Variants in TTN observed in about 807,000 individuals in gnomAD.
TTN encodes titin.
TTN carries 1,525 observed loss-of-function variants against 3,223.0 expected under a neutral mutation model. The ratio of observed to expected loss-of-function variants is 0.47; its 90% CI spans 0.45 to 0.49. The LOEUF is 0.49. Ranked by LOEUF, TTN falls within the 20% of genes least tolerant of loss-of-function variation. The probability of loss-of-function intolerance (pLI) is 0.00; values close to 1 mark genes in which losing one functional copy is unlikely to be tolerated. For synonymous variants in TTN, 14,094 were observed against 15,161.0 expected, an observed-to-expected ratio of 0.93 and a Z score of 5.17; for missense variants, 40,786 against 43,424.0, an observed-to-expected ratio of 0.94 and a Z score of 5.40.
At chr2:178,685,743 A>T in intron 127 of TTN, 145 bp from the exon 128 acceptor site, 1 of 726,698 alleles carries the variant, frequency 1.4e-6, no homozygotes, top group Non-Finnish European at 2.3e-6. Context: ...TAAAATACTC[A>T]AAGAGCATTT....
rs2049048163 is a variant in TTN, at chr2:178,586,668, A to C, written c.64233T>G (p.Pro21411=). Residue 21411 remains proline, a synonymous_variant, in exon 308 of 363, where the codon CCT becomes CCG. Transcript: ENST00000589042. The part of the protein sequence containing the change: ...YITSYREEEQ[P]ADRWTEYSVV... ...CTGAGTACTCTGTCCAGCGATCTGC[A>C]GGCTGCTCTTCTTCTCTGTAACTAG... 5 of 1,613,220 alleles carry C rather than the reference A, an allele frequency of 3.1e-6. No individual in the cohort carries two copies. Among genetic ancestry groups the C allele is most frequent in the Non-Finnish European group, 3.4e-6 (4 of 1,179,422 alleles).
At position 178,764,209 on chromosome 2, in the gene TTN, G is replaced by A. The variant is rs879249930; in HGVS notation, c.10082C>T (p.Pro3361Leu). ...AGAAACCCGGCATTGAAAACGGGCT[G>A]GCTGCCCTTCAGAAGTGACAGTGTC... Reference protein sequence around the residue: ...LQDTVTSEGQPARFQCRVSGT... With the variant: ...LQDTVTSEGQLARFQCRVSGT... Residue 3361 changes from proline to leucine, a missense_variant, in exon 43 of 363, where the codon CCA (proline) becomes CTA (leucine). Pro to Leu is a moderately conservative substitution (Grantham distance 98). Coordinates refer to ENST00000589042, the MANE Select transcript of TTN (RefSeq NM_001267550.2). 1.2e-6 allele frequency: 2 copies of A among 1,613,982 alleles called. No homozygotes were observed. The highest frequency in any genetic ancestry group is 2.2e-5 in the East Asian group (1 of 44,878).
chr2:178,671,251 G>A, intron 155 of TTN, 81 bp from the exon 156 acceptor site: 2 of 935,064 alleles, frequency 2.1e-6, no homozygotes, highest in Non-Finnish European at 3.1e-6. Flanking sequence ...GTACAATGAG[G>A]GGTCACAAAA....
chr2:178,794,141 T>C (rs1244997157), intron 8 of TTN, among the ~76,000 whole-genome samples: 1 of 149,826 alleles, frequency 6.7e-6, no homozygotes, highest in Admixed American at 6.7e-5. Flanking sequence ...TTGAATACCA[T>C]AGTTGACTTT....
chr2:178,784,491 A>C, intron 15 of TTN, 140 bp from the exon 16 acceptor site: 3 of 1,065,900 alleles, frequency 2.8e-6, no homozygotes, highest in Non-Finnish European at 4.0e-6. Context: ...ACAGTTAATG[A>C]AAAGTCATTT....
chr2:178,709,961 C>G, intron 98 of TTN, 105 bp from the exon 99 acceptor site: 1 of 1,146,670 alleles, frequency 8.7e-7, no homozygotes, highest in Non-Finnish European at 1.2e-6. Context: ...AAAATCAAGG[C>G]TAACCAACTA....
In TTN at chr2:178,558,161, C is replaced by T; in HGVS notation, c.87193G>A (p.Asp29065Asn). The T allele has an allele frequency of 1.2e-6, 2 of 1,613,796 alleles. No homozygotes were observed. The highest frequency in any genetic ancestry group is 1.7e-6 in the Non-Finnish European group (2 of 1,179,824). ...YVRAGSNLKVDIPISGKPLPK... is the reference protein window; with the variant it reads ...YVRAGSNLKVNIPISGKPLPK... Reference sequence around the variant, plus strand: ...AGTGGTTTTCCAGAGATTGGAATGTCAACTTTAAGGTTTGAACCAGCTCTA... The same window carrying T: ...AGTGGTTTTCCAGAGATTGGAATGTTAACTTTAAGGTTTGAACCAGCTCTA... Residue 29065 changes from aspartate to asparagine, a missense_variant, in exon 328 of 363, where the codon GAC (aspartate) becomes AAC (asparagine). By Grantham distance (23) the Asp-to-Asn change is conservative. Transcript: ENST00000589042.
At chr2:178,581,394 C>T in intron 316 of TTN, 105 bp downstream of exon 316, 5 of 982,788 alleles carry the variant, frequency 5.1e-6, no homozygotes, top group Non-Finnish European at 7.1e-6. Context: ...GAGTTACCAG[C>T]TCTACACCTT....
At chr2:178,713,794 A>G in intron 92 of TTN, 103 bp downstream of exon 92, 1 of 1,395,226 alleles carries the variant, frequency 7.2e-7, no homozygotes, top group South Asian at 1.5e-5. Flanking sequence ...AAGATGTCGG[A>G]CTCATGTTAT....
intron 289 of TTN, 23 bp from the exon 290 acceptor site, chr2:178,599,468 C>T (rs1403482513): frequency 3.3e-6 from 5 of 1,515,644 alleles, no homozygotes; most frequent in African/African-American, 1.4e-5. Context: ...AAAGAAGGAA[C>T]CCTTTATCAC....
At position 178,588,805 on chromosome 2, in the gene TTN, T is replaced by C. The variant is rs370100134; in HGVS notation, c.62920A>G (p.Lys20974Glu). Reference protein sequence around the residue: ...PGRPDPPEVTKVSKEEMTVVW... With the variant: ...PGRPDPPEVTEVSKEEMTVVW... ...ACAGTCATCTCTTCTTTGCTTACTTTAGTGACTTCTGGGGGATCAGGGCGA... is the reference window on the plus strand; with the variant it reads ...ACAGTCATCTCTTCTTTGCTTACTTCAGTGACTTCTGGGGGATCAGGGCGA... Residue 20974 changes from lysine (K) to glutamate (E), a missense_variant, in exon 304 of 363, where the codon AAA becomes GAA. Physicochemically the swap from Lys to Glu is moderately conservative, Grantham distance 56 (BLOSUM62 1). Transcript: ENST00000589042. 14 of 1,613,250 alleles carry C rather than the reference T, an allele frequency of 8.7e-6. No homozygotes were observed. The highest frequency in any genetic ancestry group is 1.1e-5 in the Non-Finnish European group (13 of 1,179,572).
Position 178,804,578 on chromosome 2 carries a change from G to GC in TTN, c.64_65insG (p.Thr22SerfsTer5). 6.2e-7 allele frequency: 1 copy of GC among 1,614,026 alleles called. No homozygotes were observed. The highest frequency in any genetic ancestry group is 8.5e-7 in the Non-Finnish European group (1 of 1,179,970). ...ACTAATGTGAGCCTCAAAGGTTGCG[G>GC]TACTACCCTCCAGTACCACAACGCT... On this transcript the variant is annotated frameshift_variant, in exon 2 of 363. Transcript: ENST00000589042. LOFTEE classifies it high-confidence loss of function.
chr2:178,576,882 A>C lies in TTN; in HGVS notation c.69412+41T>G, dbSNP rs2046555019. ...AATCCATGATTTCCTAAACTCTGCT[A>C]TAAATGTTTCCATGTCAATTCCCTC... On this transcript the variant is annotated intron_variant, in intron 324 of 362. Coordinates refer to ENST00000589042, the MANE Select transcript of TTN (RefSeq NM_001267550.2). The surrounding 1 kb of genome is among the most constrained non-coding windows in gnomAD (Gnocchi z 4.3). 6.2e-7 allele frequency: 1 copy of C among 1,605,868 alleles called. No homozygotes were observed. The highest frequency in any genetic ancestry group is 8.5e-7 in the Non-Finnish European group (1 of 1,177,416).
At chr2:178,674,777 T>C (rs561313531) in intron 150 of TTN, among the ~76,000 whole-genome samples, 1 of 151,644 alleles carries the variant, frequency 6.6e-6, no homozygotes, top group South Asian at 2.1e-4. Context: ...TGATGAAAAA[T>C]TTCCCACAGC....
chr2:178,681,056 A>G (rs747276994), intron 138 of TTN, 23 bp downstream of exon 138: 1 of 1,569,480 alleles, frequency 6.4e-7, no homozygotes, highest in East Asian at 2.3e-5. Flanking sequence ...AAAGATCACA[A>G]TCGAGGAAGG....
chr2:178,630,274 T>A lies in TTN; in HGVS notation c.44248A>T (p.Asn14750Tyr). ...QTGGVDFQAA[N>Y]VKSSAHLRVK... ...CGGAGGTGGGCACTAGATTTAACAT[T>A]GGCAGCTTGGAAATCCACCCCACCC... is the stretch of plus-strand genomic sequence containing the variant. The change falls in exon 239 of 363, where the codon AAT (asparagine) becomes TAT (tyrosine). Residue 14750 changes from asparagine (N) to tyrosine (Y), a missense_variant. Coordinates refer to ENST00000589042, the MANE Select transcript of TTN (RefSeq NM_001267550.2). The A allele has an allele frequency of 6.2e-7, 1 of 1,613,228 alleles. No individual in the cohort carries two copies. The highest frequency in any genetic ancestry group is 8.5e-7 in the Non-Finnish European group (1 of 1,179,450).
chr2:178,578,625 C>T lies in TTN; in HGVS notation c.68315G>A (p.Gly22772Asp). 1 of 1,610,922 alleles carries T rather than the reference C, an allele frequency of 6.2e-7. No homozygotes were observed. Among genetic ancestry groups the T allele is most frequent in the South Asian group, 1.1e-5 (1 of 90,552 alleles). The change falls in exon 321 of 363, where the codon GGT becomes GAT. Residue 22772 changes from glycine to aspartate, a missense_variant. Gly to Asp is a moderately conservative substitution (Grantham distance 94). Transcript: ENST00000589042. ...AAACAAAATACCTGTAATTGGAGAA[C>T]CACCAGTTTTCTTGGGGTCAGTCCA... ...LTWTDPKKTG[G>D]SPITGYHLEF...
intron 296 of TTN, 42 bp downstream of exon 296, chr2:178,594,302 A>G (rs764636844): frequency 6.3e-7 from 1 of 1,591,974 alleles, no homozygotes; most frequent in Admixed American, 1.9e-5. Context: ...CAAATCTACA[A>G]ATGTGCAAGT....
intron 25 of TTN, 50 bp from the exon 26 acceptor site, chr2:178,777,634 A>G: frequency 1.9e-6 from 3 of 1,613,382 alleles, no homozygotes; most frequent in Non-Finnish European, 2.5e-6. Flanking sequence ...GTTTTTAAAA[A>G]TTGTTAGATG....
Sources: gnomAD v4.1 joint callset for allele counts (sites outside exome capture counted in the v4.1 genomes callset) on GRCh38, gnomAD v4.1.1 for gene constraint, Gnocchi (gnomAD v3.1) non-coding constraint, MANE v1.5 for transcripts, NCBI Gene and HGNC (gene_info 2026-07-23, HGNC 2026-07-21) for gene names.